PARN: variants seen among roughly 807,000 people sequenced by gnomAD.
PARN encodes the protein poly(A)-specific ribonuclease PARN.
A neutral mutation model predicts 102.8 loss-of-function variants in PARN; 71 were observed. The observed-to-expected ratio is 0.69, with a 90% confidence interval of 0.57 to 0.84. PARN has a LOEUF of 0.84. PARN is among the 40% of genes least tolerant of loss of function. The pLI is 0.00. For missense variants in PARN, 782 were observed against 760.9 expected (o/e 1.03, Z -0.33); for synonymous variants, 261 against 252.9 (o/e 1.03, Z -0.30).
chr16:14,595,396 G>A (rs1231446019), intron 12 of PARN, among the ~76,000 whole-genome samples: 1 of 152,056 alleles, frequency 6.6e-6, no homozygotes, highest in Non-Finnish European at 1.5e-5. Flanking sequence ...ACAGGGTCTC[G>A]CTCTGTTGCC....
intron 21 of PARN, among the ~76,000 whole-genome samples, chr16:14,508,750 A>G (rs1334502434): frequency 1.3e-5 from 2 of 151,808 alleles, no homozygotes; most frequent in East Asian, 3.9e-4. Flanking sequence ...GAAAAAAAAA[A>G]AAGATAATTT....
chr16:14,579,687 A>G (rs1486249866), intron 18 of PARN, among the ~76,000 whole-genome samples: 1 of 152,212 alleles, frequency 6.6e-6, no homozygotes, highest in Non-Finnish European at 1.5e-5. Flanking sequence ...AATTGGACCT[A>G]TATTTAGCTG....
chr16:14,568,205 T>C (rs545922675), intron 18 of PARN, among the ~76,000 whole-genome samples: 1 of 150,842 alleles, frequency 6.6e-6, no homozygotes, highest in Non-Finnish European at 1.5e-5. Flanking sequence ...TTATTTTTTT[T>C]ATTTTTACCT....
chr16:14,617,687 G>C, intron 5 of PARN, 37 bp from the exon 6 acceptor site: 2 of 1,244,152 alleles, frequency 1.6e-6, no homozygotes, highest in African/African-American at 3.0e-5. Flanking sequence ...TTTTGGGGAT[G>C]TTAGCGGCAG....
intron 21 of PARN, among the ~76,000 whole-genome samples, chr16:14,508,073 T>C (rs1302125964): frequency 6.6e-6 from 1 of 152,210 alleles, no homozygotes; most frequent in Non-Finnish European, 1.5e-5. Context: ...TGTTTCATTA[T>C]TGTGTGTTTT....
At chr16:14,599,823 T>C (rs1299368077) in intron 12 of PARN, 81 bp downstream of exon 12, 1 of 814,554 alleles carries the variant, frequency 1.2e-6, no homozygotes, top group Non-Finnish European at 2.0e-6. Context: ...GGAGATGAAA[T>C]GATTAATCTG....
At chr16:14,484,794 T>G (rs756129402) in intron 21 of PARN, among the ~76,000 whole-genome samples, 1 of 152,000 alleles carries the variant, frequency 6.6e-6, no homozygotes, top group African/African-American at 2.4e-5. Flanking sequence ...AAATATTTAG[T>G]CATCTAAAAA....
At chr16:14,524,368 C>G (rs183804947) in intron 21 of PARN, among the ~76,000 whole-genome samples, 38 of 152,268 alleles carry the variant, frequency 2.5e-4, no homozygotes, top group African/African-American at 7.2e-4. Context: ...CCAGGTACAC[C>G]TTCCTGTCCA....
In PARN at chr16:14,628,186, G is replaced by T; in HGVS notation, c.163C>A (p.Gln55Lys). The T allele has an allele frequency of 6.3e-7, 1 of 1,591,656 alleles. No homozygotes were observed. Among genetic ancestry groups the T allele is most frequent in the Non-Finnish European group, 8.6e-7 (1 of 1,160,386 alleles). The stretch of plus-strand genomic sequence containing the variant: ...CATCCACTTGCCTTTTTAAGCTTCT[G>T]ATACCTCTCTTCTGGAGTGTCAAAA... ...NGFDTPEERY[Q>K]KLKKHSMDFL... is the part of the protein sequence containing the mutation. The change falls in exon 3 of 24, where the codon CAG (glutamine) becomes AAG (lysine). Residue 55 changes from glutamine (Q) to lysine (K), a missense_variant. Gln to Lys is a moderately conservative substitution (Grantham distance 53). Transcript: ENST00000437198.
rs753507535 is a variant in PARN, at chr16:14,582,191, G to A, written c.1182C>T (p.Ala394=). The A allele has an allele frequency of 1.2e-6, 2 of 1,600,246 alleles. No homozygotes were observed. Among genetic ancestry groups the A allele is most frequent in the Non-Finnish European group, 1.7e-6 (2 of 1,167,310 alleles). The part of the protein sequence containing the change: ...YITGLCFISM[A]NYLGSFLSPP... ...ACATGTAATGCGTACCTAGGTAATT[G>A]GCCATGGAGATGAAGCACAGCCCTG... Residue 394 remains alanine (A), a synonymous_variant, in exon 17 of 24, where the codon GCC becomes GCT. Coordinates refer to ENST00000437198, the MANE Select transcript of PARN (RefSeq NM_002582.4).
At chr16:14,572,604 C>T (rs1968877102) in intron 18 of PARN, among the ~76,000 whole-genome samples, 1 of 152,150 alleles carries the variant, frequency 6.6e-6, no homozygotes, top group African/African-American at 2.4e-5. Context: ...TACACTGCTG[C>T]GTTATATTCA....
At chr16:14,551,512 T>C (rs1967301896) in intron 21 of PARN, among the ~76,000 whole-genome samples, 6 of 152,012 alleles carry the variant, frequency 3.9e-5, no homozygotes, top group Admixed American at 3.9e-4. Flanking sequence ...GAGGTTGCAG[T>C]GAGCCGACAT....
chr16:14,611,546 G>GA (rs1383045059), intron 6 of PARN, among the ~76,000 whole-genome samples: 1 of 152,054 alleles, frequency 6.6e-6, no homozygotes, highest in African/African-American at 2.4e-5. Flanking sequence ...CTTTTTCTTT[G>GA]TTTTGTTTTG....
chr16:14,604,174 C>T lies in PARN; in HGVS notation c.755G>A (p.Arg252Lys). The change falls in exon 11 of 24, where the codon AGA (arginine) becomes AAA (lysine). Residue 252 changes from arginine to lysine, a missense_variant. By Grantham distance (26) the Arg-to-Lys change is conservative (BLOSUM62 2). Coordinates refer to ENST00000437198, the MANE Select transcript of PARN (RefSeq NM_002582.4). The stretch of plus-strand genomic sequence containing the variant: ...TTCTTTGGCATGTTTCTGCTGCTCT[C>T]TTCTTTTGCGTTCTTCTTCATCTAC... Reference protein sequence around the residue: ...SKVDEEERKRREQQKHAKEQE... With the variant: ...SKVDEEERKRKEQQKHAKEQE... The T allele has an allele frequency of 6.2e-7, 1 of 1,602,928 alleles. No homozygotes were observed. Among genetic ancestry groups the T allele is most frequent in the South Asian group, 1.1e-5 (1 of 89,332 alleles).
chr16:14,512,759 C>T (rs1195564704), intron 21 of PARN, among the ~76,000 whole-genome samples: 1 of 152,182 alleles, frequency 6.6e-6, no homozygotes, highest in Non-Finnish European at 1.5e-5. Context: ...CTTATTGCCT[C>T]TGATATGTTT....
chr16:14,628,600 T>C (rs1476683809), intron 2 of PARN, among the ~76,000 whole-genome samples: 1 of 152,230 alleles, frequency 6.6e-6, no homozygotes, highest in Non-Finnish European at 1.5e-5. Flanking sequence ...CCTAAGTATA[T>C]TATTGCCAGA....
At chr16:14,448,649 CCTCCACATTA>C (rs1961307921) in intron 22 of PARN, among the ~76,000 whole-genome samples, 1 of 152,192 alleles carries the variant, frequency 6.6e-6, no homozygotes, top group Non-Finnish European at 1.5e-5. Flanking sequence ...TATTCAAGTT[CCTCCACATTA>C]CTCCTGCACT....
chr16:14,444,965 C>T (rs374965760), intron 23 of PARN, among the ~76,000 whole-genome samples: 28 of 151,796 alleles, frequency 1.8e-4, no homozygotes, highest in African/African-American at 5.1e-4. Flanking sequence ...ACTACATGCC[C>T]GTGCAGCTAA....
intron 23 of PARN, among the ~76,000 whole-genome samples, chr16:14,444,131 C>G (rs972892203): frequency 2.0e-5 from 3 of 152,186 alleles, no homozygotes; most frequent in Non-Finnish European, 4.4e-5. Flanking sequence ...ATATCCTGAC[C>G]TATATCCTGC....
Sources: gnomAD v4.1 joint callset for allele counts (sites outside exome capture counted in the v4.1 genomes callset) on GRCh38, gnomAD v4.1.1 for gene constraint, MANE v1.5 for transcripts, NCBI Gene and HGNC (gene_info 2026-07-23, HGNC 2026-07-21) for gene names.